Variants in OTOG observed in about 807,000 individuals in gnomAD.
The protein encoded by OTOG is otogelin.
Under a neutral mutation model 313.8 loss-of-function variants are expected in OTOG, and 296 were observed. The observed-to-expected ratio is 0.94, with a 90% CI of 0.86 to 1.04. The LOEUF (loss-of-function observed/expected upper bound fraction) is 1.04, where lower values mean the gene tolerates loss of function less well. OTOG is among the 50% of genes least tolerant of loss of function. OTOG has a pLI of 0.00. For missense variants in OTOG, 3,948 were observed against 3,840.1 expected, an observed-to-expected ratio of 1.03 and a Z score of -0.74; for synonymous variants, 1,533 against 1,554.9, an observed-to-expected ratio of 0.99 and a Z score of 0.33.
chr11:17,611,435 G>A lies in OTOG; in HGVS notation c.6123+12G>A. On this transcript the variant is annotated intron_variant, in intron 36 of 55. Transcript: ENST00000399397. ...CCACCACCTGTGTTGTGAGTGATTT[G>A]CCAGGGTTCTGGCCACCCGTATGTG... 6.7e-7 allele frequency: 1 copy of A among 1,501,740 alleles called. No individual in the cohort carries two copies. The highest frequency in any genetic ancestry group is 8.9e-7 in the Non-Finnish European group (1 of 1,118,820). The allele number at this position is 1,501,740 out of a possible 1,614,324, so 93.0% of individuals were successfully genotyped here.
chr11:17,558,205 G>C lies in OTOG; in HGVS notation c.886G>C (p.Val296Leu). Residue 296 changes from valine (V) to leucine (L), a missense_variant, in exon 9 of 56, where the codon GTT (valine) becomes CTT (leucine). Coordinates refer to ENST00000399397, the MANE Select transcript of OTOG (RefSeq NM_001292063.2). ...TSSGKLTDDV[V>L]EFVHSWQEQA... is the part of the protein sequence containing the mutation. ...TCCAGGGAAGCTGACTGACGACGTG[G>C]TTGAGTTTGTGCACAGCTGGCAGGA... is the stretch of plus-strand genomic sequence containing the variant. 1 of 1,550,512 alleles carries C rather than the reference G, an allele frequency of 6.4e-7. No homozygotes were observed. The highest frequency in any genetic ancestry group is 8.7e-7 in the Non-Finnish European group (1 of 1,146,958).
chr11:17,559,397 A>C, intron 11 of OTOG, 137 bp from the exon 12 acceptor site: 1 of 1,231,896 alleles, frequency 8.1e-7, no homozygotes, highest in Non-Finnish European at 1.1e-6. Flanking sequence ...CTGGGCACCC[A>C]ATGCTCCCTC....
chr11:17,643,677 A>G (rs1428638652), intron 54 of OTOG, among the ~76,000 whole-genome samples, 171 bp downstream of exon 54: 5 of 152,214 alleles, frequency 3.3e-5, no homozygotes, highest in African/African-American at 1.2e-4. Flanking sequence ...GCACTGACGC[A>G]AATATGCAGA....
chr11:17,572,026 G>GC (rs995250786), intron 17 of OTOG, 54 bp from the exon 18 acceptor site: 14 of 1,546,720 alleles, frequency 9.1e-6, no homozygotes, highest in Non-Finnish European at 1.2e-5. Flanking sequence ...TGCTATTTGT[G>GC]CCCCCTGAGT....
chr11:17,566,348 G>A (rs116351876), intron 15 of OTOG, among the ~76,000 whole-genome samples: 4,179 of 152,260 alleles, frequency 0.027, 109 homozygotes, highest in East Asian at 0.088. Context: ...TACATGTTCA[G>A]TACAGAAGCA....
chr11:17,625,526 C>T (rs1028638166), intron 39 of OTOG, among the ~76,000 whole-genome samples: 2 of 152,154 alleles, frequency 1.3e-5, no homozygotes, highest in South Asian at 4.1e-4. Context: ...GGTGAATAAG[C>T]TTTTTGATAT....
Position 17,611,027 on chromosome 11 carries a change from G to C in OTOG, c.5727G>C (p.Lys1909Asn). Reference protein sequence around the residue: ...SVVPRKSTTGKVAILSKQVSL... With the variant: ...SVVPRKSTTGNVAILSKQVSL... ...TCCCACGAAAGAGCACCACAGGGAA[G>C]GTGGCCATCCTATCCAAGCAAGTGT... The change falls in exon 36 of 56, where the codon AAG (lysine) becomes AAC (asparagine). Residue 1909 changes from lysine (K) to asparagine (N), a missense_variant. Lys to Asn is a moderately conservative substitution (Grantham distance 94, BLOSUM62 0). Transcript: ENST00000399397. 6.4e-7 allele frequency: 1 copy of C among 1,550,560 alleles called. No individual in the cohort carries two copies. Among genetic ancestry groups the C allele is most frequent in the Non-Finnish European group, 8.7e-7 (1 of 1,147,008 alleles).
rs530874854 is a variant in OTOG at position 17,569,177 on chromosome 11, C to T, written c.1666C>T (p.Gln556Ter). 9.7e-5 allele frequency: 150 copies of T among 1,550,486 alleles called. No individual in the cohort carries two copies. The highest frequency in any genetic ancestry group is 1.3e-4 in the Non-Finnish European group (145 of 1,146,994). ...CGLNQDGACVQSVSVILHQDP... is the reference protein window; with the variant it reads ...CGLNQDGACV ...CCAGAACCAAGATGGAGCCTGTGTC[C>T]AGTCAGTGTCAGTGATTCTGCACCA... The change falls in exon 16 of 56, where the codon CAG becomes TAG. Residue 556 changes from glutamine (Q) to a stop codon, truncating the protein, a stop_gained. Coordinates refer to ENST00000399397, the MANE Select transcript of OTOG (RefSeq NM_001292063.2). LOFTEE classifies it high-confidence loss of function.
chr11:17,596,804 G>T, intron 29 of OTOG, 47 bp from the exon 30 acceptor site: 1 of 1,503,944 alleles, frequency 6.6e-7, no homozygotes, highest in South Asian at 1.2e-5. Flanking sequence ...ATGCAGATCT[G>T]ACATTTGGGA....
chr11:17,586,987 ATTTG>A (rs1852809376), intron 24 of OTOG, among the ~76,000 whole-genome samples: 1 of 152,206 alleles, frequency 6.6e-6, no homozygotes, highest in Non-Finnish European at 1.5e-5. Flanking sequence ...ACAATTAGAA[ATTTG>A]TTTATGTAGA....
intron 19 of OTOG, among the ~76,000 whole-genome samples, chr11:17,574,150 G>A (rs566712884): frequency 3.8e-4 from 58 of 152,294 alleles, no homozygotes; most frequent in Non-Finnish European, 6.9e-4. Context: ...TGGATCTACT[G>A]GATCCCACAG....
chr11:17,550,990 T>G (rs143089880), intron 3 of OTOG, among the ~76,000 whole-genome samples: 7 of 152,380 alleles, frequency 4.6e-5, no homozygotes, highest in Middle Eastern at 6.8e-3. Flanking sequence ...ATATTTCCTA[T>G]GTTCAAGTCC....
intron 32 of OTOG, among the ~76,000 whole-genome samples, chr11:17,604,420 A>T (rs1408436207): frequency 1.3e-5 from 2 of 152,150 alleles, no homozygotes; most frequent in African/African-American, 4.8e-5. Flanking sequence ...GTGCCCTACC[A>T]TGCTGGGCTG....
At position 17,553,426 on chromosome 11, in the gene OTOG, G is replaced by T; in HGVS notation, c.447G>T (p.Glu149Asp). 1 of 1,474,294 alleles carries T rather than the reference G, an allele frequency of 6.8e-7. No individual in the cohort carries two copies. The highest frequency in any genetic ancestry group is 9.0e-7 in the Non-Finnish European group (1 of 1,110,144). 91.3% of individuals were successfully genotyped at this position (1,474,294 alleles called of 1,614,324 possible). The change falls in exon 6 of 56, where the codon GAG (glutamate) becomes GAT (aspartate). Residue 149 changes from glutamate (E) to aspartate (D), a missense_variant. Transcript: ENST00000399397. Reference sequence around the variant, plus strand: ...GGGCGTGGGGGCAGCACCACGTGGAGACATTTGATGGGCTCTACTACTACC... The same window carrying T: ...GGGCGTGGGGGCAGCACCACGTGGATACATTTGATGGGCTCTACTACTACC... The part of the protein sequence containing the change: ...ICRAWGQHHV[E>D]TFDGLYYYLS...
chr11:17,611,836 T>G (rs951201115), intron 36 of OTOG, among the ~76,000 whole-genome samples: 16 of 146,050 alleles, frequency 1.1e-4, no homozygotes, highest in African/African-American at 4.1e-4. Flanking sequence ...GTGTGTGTGT[T>G]TGTGTGTATA....
At chr11:17,595,535 G>T (rs552446287) in intron 28 of OTOG, among the ~76,000 whole-genome samples, 18 of 152,352 alleles carry the variant, frequency 1.2e-4, no homozygotes, top group African/African-American at 4.1e-4. Flanking sequence ...TGCAATCAAG[G>T]TGTCAGCTAG....
intron 24 of OTOG, among the ~76,000 whole-genome samples, chr11:17,590,939 C>T (rs10832816): frequency 0.38 from 57,398 of 152,094 alleles, 11,414 homozygotes; most frequent in African/African-American, 0.5. Context: ...TTCCCAGTGA[C>T]CTGTATCCTG....
chr11:17,548,053 C>T lies in OTOG; in HGVS notation c.155+66C>T, dbSNP rs914525860. 1.3e-5 allele frequency: 17 copies of T among 1,307,600 alleles called. No individual in the cohort carries two copies. The African/African-American group carries it at 2.5e-4, about 19-fold the overall frequency. 81.0% of individuals were successfully genotyped at this position (1,307,600 alleles called of 1,614,324 possible). A position where few individuals can be genotyped will look rare whatever the true frequency, so the allele number is the denominator to read the frequency against. Reference sequence around the variant, plus strand: ...CATCCGTATTTCTGGCATCAGCGACCCCAGGGCTTTAGCACTTAGGGTGGG... The same window carrying T: ...CATCCGTATTTCTGGCATCAGCGACTCCAGGGCTTTAGCACTTAGGGTGGG... On this transcript the variant is annotated intron_variant, in intron 2 of 55. Transcript: ENST00000399397.
chr11:17,627,778 G>T (rs1248987921), intron 39 of OTOG, among the ~76,000 whole-genome samples: 1 of 152,042 alleles, frequency 6.6e-6, no homozygotes, highest in Non-Finnish European at 1.5e-5. Flanking sequence ...AGTGTTTTCA[G>T]ATTTTTTATT....
Sources: gnomAD v4.1 joint callset for allele counts (sites outside exome capture counted in the v4.1 genomes callset) on GRCh38, gnomAD v4.1.1 for gene constraint, MANE v1.5 for transcripts, NCBI Gene and HGNC (gene_info 2026-07-23, HGNC 2026-07-21) for gene names.